Variants in SLC2A13 observed in about 807,000 individuals in gnomAD.
SLC2A13 encodes proton myo-inositol cotransporter.
SLC2A13 carries 32 observed loss-of-function variants against 64.4 expected under a neutral mutation model. The observed-to-expected ratio is 0.50, with a 90% CI of 0.37 to 0.67. The LOEUF (loss-of-function observed/expected upper bound fraction) is 0.67, where lower values mean the gene tolerates loss of function less well. SLC2A13 is among the 30% of genes least tolerant of loss of function. The pLI, the probability that SLC2A13 is intolerant of heterozygous loss-of-function variation, is 0.00. For missense variants in SLC2A13, 743 were observed against 829.2 expected (o/e 0.90, Z 1.28); for synonymous variants, 338 against 327.1 (o/e 1.03, Z -0.36).
intron 1 of SLC2A13, among the ~76,000 whole-genome samples, chr12:40,061,795 C>T (rs1948428395): frequency 6.8e-6 from 1 of 146,676 alleles, no homozygotes; most frequent in South Asian, 2.2e-4. Context: ...TGGGGGTTTT[C>T]AAATTTGACA....
intron 2 of SLC2A13, among the ~76,000 whole-genome samples, chr12:40,038,730 C>CAA (rs34951191): frequency 2.1e-3 from 222 of 107,140 alleles, no homozygotes; most frequent in African/African-American, 2.9e-3. Context: ...GACCCTGTCT[C>CAA]AAAAAAAAAA....
chr12:40,023,611 G>C (rs1231734694), intron 3 of SLC2A13, among the ~76,000 whole-genome samples: 1 of 152,210 alleles, frequency 6.6e-6, no homozygotes, highest in Non-Finnish European at 1.5e-5. Context: ...TGTCATGAGA[G>C]ACAATTTTTA....
At chr12:40,043,735 A>G (rs965373681) in intron 2 of SLC2A13, among the ~76,000 whole-genome samples, 1 of 119,126 alleles carries the variant, frequency 8.4e-6, no homozygotes, top group Non-Finnish European at 1.8e-5. Context: ...ATATATTAGG[A>G]AAAAAAAAAG....
chr12:39,912,109 C>T (rs1452743810), intron 4 of SLC2A13, among the ~76,000 whole-genome samples: 1 of 151,928 alleles, frequency 6.6e-6, no homozygotes, highest in Non-Finnish European at 1.5e-5. Flanking sequence ...TCCTTTTTCC[C>T]CACAATGATC....
At chr12:40,100,071 T>C (rs910014528) in intron 1 of SLC2A13, among the ~76,000 whole-genome samples, 18 of 152,192 alleles carry the variant, frequency 1.2e-4, no homozygotes, top group Non-Finnish European at 2.4e-4. Flanking sequence ...TCATTTGCAC[T>C]GAGGAAGAAT....
intron 4 of SLC2A13, among the ~76,000 whole-genome samples, chr12:39,876,167 A>T (rs1241100129): frequency 1.3e-5 from 2 of 152,220 alleles, no homozygotes; most frequent in African/African-American, 4.8e-5. Flanking sequence ...AACTCTCTGT[A>T]GACATTTAAG....
At chr12:39,976,281 C>G (rs148922583) in intron 3 of SLC2A13, among the ~76,000 whole-genome samples, 80 of 152,294 alleles carry the variant, frequency 5.3e-4, no homozygotes, top group Non-Finnish European at 8.7e-4. Flanking sequence ...ACCATCAGCA[C>G]CAGGACTCTG....
intron 4 of SLC2A13, among the ~76,000 whole-genome samples, chr12:39,922,600 G>T (rs1200808752): frequency 1.3e-5 from 2 of 152,152 alleles, no homozygotes; most frequent in African/African-American, 2.4e-5. Context: ...AAGCCCTGGG[G>T]AATCAAGATA....
chr12:39,755,828 G>T lies in SLC2A13; in HGVS notation c.*4198C>A, dbSNP rs1040128618. The T allele has an allele frequency of 6.6e-6, 1 of 151,924 alleles. No homozygotes were observed. Among genetic ancestry groups the T allele is most frequent in the African/African-American group, 2.4e-5 (1 of 41,398 alleles). The allele number at this position is 151,924 out of a possible 1,614,324, so 9.4% of individuals were successfully genotyped here. ...TATAAAGATTTACATAAATTATATTGTTTTAGCTCACTAGCAAATTATACG... is the reference window on the plus strand; with the variant it reads ...TATAAAGATTTACATAAATTATATTTTTTTAGCTCACTAGCAAATTATACG... On this transcript the variant is annotated 3_prime_UTR_variant, in exon 10 of 10. Coordinates refer to ENST00000280871, the MANE Select transcript of SLC2A13 (RefSeq NM_052885.4).
intron 5 of SLC2A13, among the ~76,000 whole-genome samples, chr12:39,867,986 G>T (rs559707698): frequency 2.6e-5 from 4 of 152,266 alleles, no homozygotes; most frequent in South Asian, 4.1e-4. Flanking sequence ...TAATCACTTA[G>T]TCCTATCATC....
intron 5 of SLC2A13, among the ~76,000 whole-genome samples, chr12:39,870,698 C>A (rs1944025201): frequency 6.6e-6 from 1 of 152,138 alleles, no homozygotes; most frequent in Non-Finnish European, 1.5e-5. Context: ...GCCCCTTAAT[C>A]AGACAATCTC....
intron 4 of SLC2A13, among the ~76,000 whole-genome samples, chr12:39,921,978 T>C (rs1945621826): frequency 6.6e-6 from 1 of 151,358 alleles, no homozygotes; most frequent in African/African-American, 2.5e-5. Context: ...ACATTAACAA[T>C]TAGTTTCAGC....
chr12:39,897,400 A>G (rs1251898397), intron 4 of SLC2A13, among the ~76,000 whole-genome samples: 2 of 152,122 alleles, frequency 1.3e-5, no homozygotes, highest in African/African-American at 2.4e-5. Flanking sequence ...CCAACTGCCT[A>G]CCCCAAGCAT....
chr12:39,954,608 G>C (rs1946287577), intron 3 of SLC2A13, among the ~76,000 whole-genome samples: 1 of 152,144 alleles, frequency 6.6e-6, no homozygotes, highest in Non-Finnish European at 1.5e-5. Context: ...TTTAGTCCTA[G>C]ATTAAACATT....
At chr12:40,058,078 TAGA>T (rs1252872093) in intron 1 of SLC2A13, among the ~76,000 whole-genome samples, 19 of 151,254 alleles carry the variant, frequency 1.3e-4, no homozygotes, top group Admixed American at 6.0e-4. Context: ...GATAGATAGA[TAGA>T]TAGATAGATT....
chr12:40,041,166 G>A (rs149778247), intron 2 of SLC2A13, among the ~76,000 whole-genome samples: 112 of 152,186 alleles, frequency 7.4e-4, no homozygotes, highest in Admixed American at 1.8e-3. Flanking sequence ...TGGCCAGGCT[G>A]GTCTTTTTTG....
At chr12:39,905,123 T>C (rs1945232742) in intron 4 of SLC2A13, among the ~76,000 whole-genome samples, 1 of 152,140 alleles carries the variant, frequency 6.6e-6, no homozygotes, top group South Asian at 2.1e-4. Flanking sequence ...AAAATCAGAA[T>C]TTAAAAACCA....
intron 4 of SLC2A13, among the ~76,000 whole-genome samples, chr12:39,941,464 T>A (rs1946024557): frequency 6.6e-6 from 1 of 152,210 alleles, no homozygotes; most frequent in Non-Finnish European, 1.5e-5. Context: ...TCATGGCCAT[T>A]CCTACAGGAG....
intron 3 of SLC2A13, among the ~76,000 whole-genome samples, chr12:39,976,021 C>A (rs562403862): frequency 6.6e-6 from 1 of 152,288 alleles, no homozygotes; most frequent in East Asian, 1.9e-4. Context: ...CAATCAGATA[C>A]GTGAAACACA....
Sources: allele counts gnomAD v4.1 joint callset (sites outside exome capture counted in the v4.1 genomes callset), GRCh38; gene constraint gnomAD v4.1.1; transcripts MANE v1.5; gene names NCBI Gene and HGNC (gene_info 2026-07-23, HGNC 2026-07-21).